The following NCAPH variants were observed in gnomAD, a reference collection of about 807,000 sequenced individuals.
NCAPH encodes the protein condensin complex subunit 2.
NCAPH carries 38 observed loss-of-function variants against 85.5 expected under a neutral mutation model. The observed-to-expected ratio is 0.44, with a 90% CI of 0.34 to 0.58. The LOEUF (loss-of-function observed/expected upper bound fraction) is 0.58. Ranked by LOEUF, NCAPH falls within the 20% of genes least tolerant of loss-of-function variation. The pLI, the probability that NCAPH is intolerant of heterozygous loss-of-function variation, is 0.01. For synonymous variants in NCAPH, 301 were observed against 335.1 expected (o/e 0.90, Z 1.11); for missense variants, 789 against 916.6 (o/e 0.86, Z 1.80).
intron 1 of NCAPH, among the ~76,000 whole-genome samples, chr2:96,340,782 C>A (rs1573062612): frequency 6.8e-6 from 1 of 147,842 alleles, no homozygotes; most frequent in South Asian, 2.1e-4. Flanking sequence ...CCATGTCCGG[C>A]CTTTTTTTTT....
At chr2:96,340,539 C>T (rs541630848) in intron 1 of NCAPH, among the ~76,000 whole-genome samples, 1 of 151,896 alleles carries the variant, frequency 6.6e-6, no homozygotes, top group Non-Finnish European at 1.5e-5. Context: ...TACAGGCGCC[C>T]GCCCCCACGT....
intron 6 of NCAPH, among the ~76,000 whole-genome samples, chr2:96,344,874 T>C (rs2064342310): frequency 6.6e-6 from 1 of 152,250 alleles, no homozygotes; most frequent in African/African-American, 2.4e-5. Flanking sequence ...AACATTCTAA[T>C]ACATATTATC....
chr2:96,352,197 G>A (rs1462746685), intron 7 of NCAPH, among the ~76,000 whole-genome samples, 177 bp downstream of exon 7: 2 of 152,138 alleles, frequency 1.3e-5, no homozygotes, highest in African/African-American at 4.8e-5. Flanking sequence ...ACTAACTTTT[G>A]TCTTCTCTGC....
At chr2:96,360,350 G>T in intron 11 of NCAPH, 101 bp downstream of exon 11, 1 of 832,234 alleles carries the variant, frequency 1.2e-6, no homozygotes, top group South Asian at 1.8e-5. Flanking sequence ...CAAACAGATG[G>T]TTTCATTCTT....
In NCAPH at chr2:96,373,471, G is replaced by A. The variant is rs890298596; in HGVS notation, c.*120G>A. 20 of 898,390 alleles carry A rather than the reference G, an allele frequency of 2.2e-5. No individual in the cohort carries two copies. Among genetic ancestry groups the A allele is most frequent in the South Asian group, 2.0e-4 (13 of 66,454 alleles). The allele number at this position is 898,390 out of a possible 1,614,324, so 55.7% of individuals were successfully genotyped here. Reference sequence around the variant, plus strand: ...ACCCAGGCTGTAGCCAACTACCAACGTGCCTGTTTGTTTGTTGCTCTTTCC... The same window carrying A: ...ACCCAGGCTGTAGCCAACTACCAACATGCCTGTTTGTTTGTTGCTCTTTCC... On this transcript the variant is annotated 3_prime_UTR_variant, in exon 18 of 18. Coordinates refer to ENST00000240423, the MANE Select transcript of NCAPH (RefSeq NM_015341.5).
rs376261513 is a variant in NCAPH at position 96,337,931 on chromosome 2, C to CT, written c.19+2094dup. Reference sequence around the variant, plus strand: ...CTCTGGTTCCCTGACTCCAACAACCCTTTTTTTTTTTCTGAGACAGAGTCT... The same window carrying CT: ...CTCTGGTTCCCTGACTCCAACAACCCTTTTTTTTTTTTCTGAGACAGAGTCT... On this transcript the variant is annotated intron_variant, in intron 1 of 17. Transcript: ENST00000240423. Among the ~76,000 whole-genome samples the CT allele has an allele frequency of 9.8e-3, 1,429 of 146,144 alleles. 25 individuals carry two copies. The highest frequency in any genetic ancestry group is 0.032 in the African/African-American group (1,283 of 40,026).
At chr2:96,368,517 C>T (rs749361127) in intron 15 of NCAPH, among the ~76,000 whole-genome samples, 2 of 152,022 alleles carry the variant, frequency 1.3e-5, no homozygotes, top group Non-Finnish European at 2.9e-5. Context: ...ATTAGCTGGG[C>T]GTGGTGGCGG....
intron 11 of NCAPH, 123 bp downstream of exon 11, chr2:96,360,372 A>T: frequency 1.3e-6 from 1 of 798,496 alleles, no homozygotes; most frequent in Non-Finnish European, 2.0e-6. Flanking sequence ...CTTGTTCCTT[A>T]AACGCACTAT....
At chr2:96,366,543 A>G (rs2064701748) in intron 14 of NCAPH, among the ~76,000 whole-genome samples, 1 of 152,234 alleles carries the variant, frequency 6.6e-6, no homozygotes, top group South Asian at 2.1e-4. Flanking sequence ...ACTGGATTGA[A>G]AAGAAATTAG....
In NCAPH at chr2:96,335,807, A is replaced by C. The variant is rs372489784; in HGVS notation, c.-23A>C. ...GTCTCGACGCGCGCGATTTAAAACC[A>C]GCTCAGGAGACGCCAAGGAAAGATG... On this transcript the variant is annotated 5_prime_UTR_variant, in exon 1 of 18. Coordinates refer to ENST00000240423, the MANE Select transcript of NCAPH (RefSeq NM_015341.5). 1 of 1,486,016 alleles carries C rather than the reference A, an allele frequency of 6.7e-7. No individual in the cohort carries two copies. The highest frequency in any genetic ancestry group is 2.9e-5 in the East Asian group (1 of 34,152). The allele number at this position is 1,486,016 out of a possible 1,614,324, so 92.1% of individuals were successfully genotyped here. A position where few individuals can be genotyped will look rare whatever the true frequency, so the allele number is the denominator to read the frequency against.
At chr2:96,367,228 A>T in intron 14 of NCAPH, 29 bp from the exon 15 acceptor site, 2 of 1,468,710 alleles carry the variant, frequency 1.4e-6, no homozygotes, top group Non-Finnish European at 1.9e-6. Context: ...TATTCTGCTT[A>T]GTTTTACTTT....
At chr2:96,353,520 G>A in intron 8 of NCAPH, 123 bp downstream of exon 8, 1 of 875,858 alleles carries the variant, frequency 1.1e-6, no homozygotes, top group East Asian at 2.7e-5. Flanking sequence ...TATTTCCTTT[G>A]GCACTTCTGT....
chr2:96,346,180 G>T (rs147834336), intron 6 of NCAPH, among the ~76,000 whole-genome samples: 2 of 152,190 alleles, frequency 1.3e-5, no homozygotes, highest in African/African-American at 4.8e-5. Flanking sequence ...GTGCACTCAT[G>T]GGGGAGCCTT....
chr2:96,343,296 A>T lies in NCAPH; in HGVS notation c.587A>T (p.His196Leu). 6.2e-7 allele frequency: 1 copy of T among 1,612,240 alleles called. No individual in the cohort carries two copies. Among genetic ancestry groups the T allele is most frequent in the Non-Finnish European group, 8.5e-7 (1 of 1,179,000 alleles). Residue 196 changes from histidine (H) to leucine (L), a missense_variant, in exon 5 of 18, where the codon CAT becomes CTT. By Grantham distance (99) the His-to-Leu change is moderately conservative. Transcript: ENST00000240423. ...DAPSLEEVEG[H>L]VADGSATEMG... ...CCGTCTTTGGAAGAAGTAGAAGGCC[A>T]TGTTGCTGGTAGGTGGGTAGGGATC... is the stretch of plus-strand genomic sequence containing the variant.
intron 14 of NCAPH, among the ~76,000 whole-genome samples, chr2:96,366,723 A>C (rs549212229): frequency 1.3e-5 from 2 of 152,186 alleles, no homozygotes; most frequent in East Asian, 3.9e-4. Context: ...ATAAAAATAC[A>C]AAAATTAGCT....
intron 1 of NCAPH, among the ~76,000 whole-genome samples, chr2:96,339,822 C>G (rs983182300): frequency 1.3e-5 from 2 of 152,148 alleles, no homozygotes; most frequent in African/African-American, 2.4e-5. Context: ...AAAATACTTT[C>G]TTCACCTGGC....
rs2064838109 is a variant in NCAPH at position 96,376,909 on chromosome 2, A to G, written c.*3558A>G. 6.6e-6 allele frequency among the ~76,000 whole-genome samples: 1 copy of G among 152,168 alleles called. No individual in the cohort carries two copies. The highest frequency in any genetic ancestry group is 1.5e-5 in the Non-Finnish European group (1 of 68,022). On this transcript the variant is annotated 3_prime_UTR_variant, in exon 18 of 18. Transcript: ENST00000240423. The stretch of plus-strand genomic sequence containing the variant: ...CTATAGTCAATAATAACAATTGTAT[A>G]TTTTAAAATAAAGAATGTAATTGAA...
intron 17 of NCAPH, among the ~76,000 whole-genome samples, chr2:96,369,824 A>T (rs927285022): frequency 6.6e-6 from 1 of 152,256 alleles, no homozygotes; most frequent in Non-Finnish European, 1.5e-5. Context: ...GCCAAAGCCT[A>T]GTAGTACCAA....
chr2:96,344,860 A>G (rs2064341991), intron 6 of NCAPH, among the ~76,000 whole-genome samples: 1 of 152,264 alleles, frequency 6.6e-6, no homozygotes, highest in South Asian at 2.1e-4. Flanking sequence ...ACATTGTTTC[A>G]GTGAACATTC....
Sources: allele counts gnomAD v4.1 joint callset (sites outside exome capture counted in the v4.1 genomes callset), GRCh38; gene constraint gnomAD v4.1.1; transcripts MANE v1.5; gene names NCBI Gene and HGNC (gene_info 2026-07-23, HGNC 2026-07-21).